COL6A1: variants seen among roughly 807,000 people sequenced by gnomAD.
The protein encoded by COL6A1 is collagen alpha-1(VI) chain.
In COL6A1, 80 loss-of-function variants were observed where a neutral mutation model predicts 145.6. That is an observed-to-expected ratio of 0.55 (90% CI 0.46 to 0.66). The LOEUF is 0.66. COL6A1 is among the 30% of genes least tolerant of loss of function. The probability of loss-of-function intolerance (pLI) is 0.00; values close to 1 mark genes in which losing one functional copy is unlikely to be tolerated. For missense variants in COL6A1, 1,364 were observed against 1,473.8 expected (o/e 0.93, Z 1.22); for synonymous variants, 638 against 622.8 (o/e 1.02, Z -0.36).
chr21:46,002,798 C>CACGT (rs1404793258), intron 33 of COL6A1, 88 bp downstream of exon 33: 1 of 1,407,752 alleles, frequency 7.1e-7, no homozygotes, highest in Non-Finnish European at 9.8e-7. Context: ...TAGGTGCACG[C>CACGT]GGGGCCGCCC....
rs775320682 is a variant in COL6A1, at chr21:45,994,738, G to A, written c.1398+509G>A. On this transcript the variant is annotated intron_variant, in intron 20 of 34. Transcript: ENST00000361866. The surrounding 1 kb of genome is among the most constrained non-coding windows in gnomAD (Gnocchi z 6.8). ...AGCCTCTGGAATCGCTGTGCACGCC[G>A]CACGGCTTTCTGTCTCTTCCCCCAT... Among the ~76,000 whole-genome samples the A allele has an allele frequency of 8.5e-5, 13 of 152,292 alleles. No individual in the cohort carries two copies. The highest frequency in any genetic ancestry group is 2.1e-4 in the South Asian group (1 of 4,814).
chr21:45,998,035 G>T, intron 22 of COL6A1, 86 bp from the exon 23 acceptor site: 1 of 1,522,576 alleles, frequency 6.6e-7, no homozygotes. Flanking sequence ...GGGGCCCTGC[G>T]GGTGAGGTGC....
chr21:45,993,983 C>T lies in COL6A1; in HGVS notation c.1336-184C>T, dbSNP rs139314681. Reference sequence around the variant, plus strand: ...GAATGAAGATAGCCATAGCCAGCCACGCCGATGGCCACGCACGTGGGCCGA... The same window carrying T: ...GAATGAAGATAGCCATAGCCAGCCATGCCGATGGCCACGCACGTGGGCCGA... On this transcript the variant is annotated intron_variant, in intron 19 of 34. Transcript: ENST00000361866. 8.4e-3 allele frequency among the ~76,000 whole-genome samples: 1,287 copies of T among 152,332 alleles called. 24 individuals are homozygous for T. The highest frequency in any genetic ancestry group is 0.028 in the African/African-American group (1,181 of 41,560).
At chr21:45,990,489 GA>G in intron 13 of COL6A1, 67 bp downstream of exon 13, 1 of 1,081,458 alleles carries the variant, frequency 9.2e-7, no homozygotes, top group Non-Finnish European at 1.2e-6. Flanking sequence ...GGGAGGGACG[GA>G]GTGGACGGCG....
In COL6A1 at chr21:46,001,303, A is replaced by G; in HGVS notation, c.1873A>G (p.Ser625Gly). Residue 625 changes from serine to glycine, a missense_variant, in exon 30 of 35, where the codon AGC becomes GGC. Physicochemically the swap from Ser to Gly is moderately conservative, Grantham distance 56 (BLOSUM62 0). This residue lies in a region of COL6A1 where 938 missense variants were observed against 1,003.8 expected (regional missense o/e 0.93). Coordinates refer to ENST00000361866, the MANE Select transcript of COL6A1 (RefSeq NM_001848.3). Reference sequence around the variant, plus strand: ...CCTGTTCGTGCTGGACAGCTCAGAGAGCATTGGCCTGCAGAACTTCGAGAT... The same window carrying G: ...CCTGTTCGTGCTGGACAGCTCAGAGGGCATTGGCCTGCAGAACTTCGAGAT... ...DLLFVLDSSE[S>G]IGLQNFEIAK... is the part of the protein sequence containing the mutation. The G allele has an allele frequency of 6.2e-7, 1 of 1,612,540 alleles. No homozygotes were observed.
chr21:45,984,211 G>A (rs545677686), intron 2 of COL6A1, 58 bp from the exon 3 acceptor site: 602 of 1,508,214 alleles, frequency 4.0e-4, no homozygotes, highest in Non-Finnish European at 5.2e-4. Context: ...GCCCTGGGAC[G>A]GGTAGCGATG....
At position 45,986,924 on chromosome 21, in the gene COL6A1, A is replaced by C; in HGVS notation, c.589-20A>C. ...CAGGGGTCCCAGCCCTGCTCAGCCC[A>C]CCCTGAACACTGCCCCCAGGAGCCG... is the stretch of plus-strand genomic sequence containing the variant. On this transcript the variant is annotated intron_variant, in intron 4 of 34. Coordinates refer to ENST00000361866, the MANE Select transcript of COL6A1 (RefSeq NM_001848.3). 4 of 1,542,546 alleles carry C rather than the reference A, an allele frequency of 2.6e-6. No individual in the cohort carries two copies. Among genetic ancestry groups the C allele is most frequent in the Non-Finnish European group, 3.5e-6 (4 of 1,148,912 alleles).
chr21:45,999,792 C>T (rs1336909934), intron 27 of COL6A1, 100 bp downstream of exon 27: 14 of 832,684 alleles, frequency 1.7e-5, no homozygotes, highest in Non-Finnish European at 2.4e-5. Context: ...ACGCTGCTCA[C>T]GGGGGGGTGG....
intron 3 of COL6A1, among the ~76,000 whole-genome samples, chr21:45,985,652 C>T (rs1278644912): frequency 6.6e-6 from 1 of 152,244 alleles, no homozygotes; most frequent in East Asian, 1.9e-4. Flanking sequence ...CCTCCCCACA[C>T]CCAGCCCTTC....
chr21:45,995,936 T>C (rs1447359137), intron 20 of COL6A1, among the ~76,000 whole-genome samples: 1 of 53,768 alleles, frequency 1.9e-5, no homozygotes, highest in African/African-American at 1.3e-4. Context: ...CCTTCCGGGC[T>C]TTCCCTGCTC....
At chr21:45,999,962 G>A (rs68008545) in intron 27 of COL6A1, among the ~76,000 whole-genome samples, 2,307 of 3,310 alleles carry the variant, frequency 0.7, 909 homozygotes, top group Admixed American at 0.73. Flanking sequence ...GATCATGGGA[G>A]GACGTGAGGA....
At chr21:45,989,200 G>C in intron 9 of COL6A1, 63 bp downstream of exon 9, 4 of 1,505,864 alleles carry the variant, frequency 2.7e-6, no homozygotes, top group Non-Finnish European at 3.6e-6. Context: ...ACTAGGCCTC[G>C]GAAACTTCCG....
intron 13 of COL6A1, 39 bp downstream of exon 13, chr21:45,990,461 GAGGAA>G: frequency 1.0e-5 from 12 of 1,149,082 alleles, no homozygotes; most frequent in East Asian, 3.1e-5. Flanking sequence ...GAGGGACGAG[GAGGAA>G]TGGGGCGAGA....
At position 46,003,572 on chromosome 21, in the gene COL6A1, C is replaced by G; in HGVS notation, c.2646C>G (p.Gly882=). 1 of 1,612,632 alleles carries G rather than the reference C, an allele frequency of 6.2e-7. No homozygotes were observed. Among genetic ancestry groups the G allele is most frequent in the Non-Finnish European group, 8.5e-7 (1 of 1,179,740 alleles). Residue 882 remains glycine (G), a synonymous_variant, in exon 35 of 35, where the codon GGC becomes GGG. Transcript: ENST00000361866. The part of the protein sequence containing the change: ...RVAVVQYSGT[G]QQRPERASLQ... The stretch of plus-strand genomic sequence containing the variant: ...CGGTGGTGCAGTACAGCGGCACGGG[C>G]CAGCAGCGCCCAGAGCGGGCGTCGC...
At chr21:45,995,231 G>A (rs939166133) in intron 20 of COL6A1, among the ~76,000 whole-genome samples, 16 of 152,266 alleles carry the variant, frequency 1.1e-4, no homozygotes, top group Non-Finnish European at 1.6e-4. Flanking sequence ...TGCCGCTCAC[G>A]GCAGGGGCAG....
intron 22 of COL6A1, 62 bp downstream of exon 22, chr21:45,997,824 C>T: frequency 6.6e-7 from 1 of 1,520,420 alleles, no homozygotes; most frequent in South Asian, 1.2e-5. Flanking sequence ...CCTGGGAAGC[C>T]CCAGCCCCGC....
chr21:45,986,414 G>A (rs2077738981), intron 3 of COL6A1, 112 bp from the exon 4 acceptor site: 2 of 1,044,882 alleles, frequency 1.9e-6, no homozygotes, highest in Non-Finnish European at 2.9e-6. Flanking sequence ...GATCAGCAAA[G>A]AGAGGCGGCT....
Position 46,000,761 on chromosome 21 carries a change from T to A in COL6A1, c.1816T>A (p.Cys606Ser), listed in dbSNP as rs2077839511. 1 of 1,613,814 alleles carries A rather than the reference T, an allele frequency of 6.2e-7. No homozygotes were observed. Among genetic ancestry groups the A allele is most frequent in the African/African-American group, 1.3e-5 (1 of 74,930 alleles). The change falls in exon 29 of 35, where the codon TGC becomes AGC. Residue 606 changes from cysteine (C) to serine (S), a missense_variant and splice_region_variant. Around this residue, in one of 3 missense-constraint regions of COL6A1, gnomAD observed 938 missense variants for 1,003.8 expected, o/e 0.93. Coordinates refer to ENST00000361866, the MANE Select transcript of COL6A1 (RefSeq NM_001848.3). ...CTGACTCTTTCTCTTCTCCTCAGCTTGCTGTGGTGAGACCCAGGCTCTAGC... is the reference window on the plus strand; with the variant it reads ...CTGACTCTTTCTCTTCTCCTCAGCTAGCTGTGGTGAGACCCAGGCTCTAGC... The part of the protein sequence containing the change: ...ILDIIMKMCS[C>S]CECKCGPIDL...
intron 15 of COL6A1, 22 bp downstream of exon 15, chr21:45,991,063 G>C (rs762038811): frequency 6.2e-7 from 1 of 1,612,382 alleles, no homozygotes; most frequent in East Asian, 2.2e-5. Flanking sequence ...GCGGCCCCTG[G>C]AGGACCAGGG....
Sources: allele counts gnomAD v4.1 joint callset (sites outside exome capture counted in the v4.1 genomes callset), GRCh38; gene constraint gnomAD v4.1.1; regional missense constraint gnomAD v4.1.1; non-coding constraint Gnocchi (gnomAD v3.1); transcripts MANE v1.5; gene names NCBI Gene and HGNC (gene_info 2026-07-23, HGNC 2026-07-21).